The following ZC3HAV1L variants were observed in gnomAD, a reference collection of about 807,000 sequenced individuals.
The protein encoded by ZC3HAV1L is zinc finger CCCH-type antiviral protein 1-like.
ZC3HAV1L carries 23 observed loss-of-function variants against 28.2 expected under a neutral mutation model. The observed-to-expected ratio is 0.82, with a 90% CI of 0.59 to 1.16. The LOEUF (loss-of-function observed/expected upper bound fraction) is 1.16. ZC3HAV1L is among the 50% of genes most tolerant of loss of function. The pLI is 0.00. For missense variants in ZC3HAV1L, 376 were observed against 387.7 expected (o/e 0.97, Z 0.25); for synonymous variants, 180 against 163.4 (o/e 1.10, Z -0.78).
rs558883150 is a variant in ZC3HAV1L at position 139,034,057 on chromosome 7, CCTT to C, written c.501+483_501+485del. On this transcript the variant is annotated intron_variant, in intron 2 of 4. Transcript: ENST00000275766. ...TGCCTTCTGGGTACAGATTCTGCTG[CCTT>C]GAGAGCAGCCTCTGCCACCTGCACC... 5.9e-4 allele frequency: 584 copies of C among 985,434 alleles called. 1 individual carries two copies. In the African/African-American group the frequency reaches 8.8e-3, roughly 15 times the overall value. The allele number at this position is 985,434 out of a possible 1,614,324, so 61.0% of individuals were successfully genotyped here.
chr7:139,030,132 C>T (rs1287726515), intron 2 of ZC3HAV1L, among the ~76,000 whole-genome samples: 4 of 152,108 alleles, frequency 2.6e-5, no homozygotes, highest in African/African-American at 7.2e-5. Flanking sequence ...ATGCTGCACA[C>T]GTAAAAAAAC....
At chr7:139,034,731 T>C (rs1815646932) in intron 1 of ZC3HAV1L, 53 bp from the exon 2 acceptor site, 8 of 1,596,808 alleles carry the variant, frequency 5.0e-6, no homozygotes, top group Non-Finnish European at 6.8e-6. Context: ...GACCAGTCTG[T>C]CCAATTCCTT....
chr7:139,034,676 G>C lies in ZC3HAV1L; in HGVS notation c.368C>G (p.Ser123Cys), dbSNP rs1334682649. Residue 123 changes from serine (S) to cysteine (C), a missense_variant and splice_region_variant, in exon 2 of 5, where the codon TCT becomes TGT. By Grantham distance (112) the Ser-to-Cys change is moderately radical. Transcript: ENST00000275766. ...LGKCPNRDCW[S>C]TCTLSHDIHT... ...GATATCATGGGAAAGGGTACAGGTA[G>C]ACCTAAAAGAACAAAGCCCTCGGTC... 1 of 1,613,730 alleles carries C rather than the reference G, an allele frequency of 6.2e-7. No individual in the cohort carries two copies. Among genetic ancestry groups the C allele is most frequent in the East Asian group, 2.2e-5 (1 of 44,884 alleles).
intron 2 of ZC3HAV1L, among the ~76,000 whole-genome samples, chr7:139,033,122 T>C (rs1391924600): frequency 6.6e-6 from 1 of 151,740 alleles, no homozygotes; most frequent in Non-Finnish European, 1.5e-5. Context: ...GGTGGGAGAA[T>C]CACTTGAACT....
chr7:139,034,431 G>A (rs1461332616), intron 2 of ZC3HAV1L, 112 bp downstream of exon 2: 2 of 1,457,048 alleles, frequency 1.4e-6, no homozygotes, highest in South Asian at 1.3e-5. Flanking sequence ...ATTTGAAACT[G>A]AATCATGTTG....
chr7:139,025,029 T>C (rs1228767436), downstream of ZC3HAV1L, among the ~76,000 whole-genome samples: 5 of 152,052 alleles, frequency 3.3e-5, no homozygotes, highest in Non-Finnish European at 5.9e-5. Context: ...AAAGGGAACA[T>C]GAAGTGGGTG....
chr7:139,028,982 A>G, intron 2 of ZC3HAV1L, 22 bp from the exon 3 acceptor site: 3 of 1,588,544 alleles, frequency 1.9e-6, no homozygotes, highest in African/African-American at 1.4e-5. Context: ...ATGAGGGAAC[A>G]CCTGAAATAT....
chr7:139,027,140 C>CCT (rs35257743), intron 3 of ZC3HAV1L, among the ~76,000 whole-genome samples: 85,196 of 151,592 alleles, frequency 0.56, 24,594 homozygotes, highest in African/African-American at 0.67. Flanking sequence ...CTAAACAGCC[C>CCT]GACACTGGTA....
At chr7:139,021,814 AT>A (rs1434163575), downstream of ZC3HAV1L, among the ~76,000 whole-genome samples, 2 of 146,910 alleles carry the variant, frequency 1.4e-5, no homozygotes, top group Non-Finnish European at 2.9e-5. Flanking sequence ...ATGAAAAAAT[AT>A]CAAAAAAACT....
intron 2 of ZC3HAV1L, chr7:139,033,665 G>A: frequency 1.1e-6 from 1 of 947,980 alleles, no homozygotes; most frequent in Non-Finnish European, 1.3e-6. Flanking sequence ...GTGAGGCTGG[G>A]CCCAAGATAC....
At chr7:139,030,551 C>A (rs531101833) in intron 2 of ZC3HAV1L, among the ~76,000 whole-genome samples, 1 of 146,264 alleles carries the variant, frequency 6.8e-6, no homozygotes, top group Non-Finnish European at 1.5e-5. Context: ...AAATAAGGCC[C>A]GGTGTGGTGG....
At chr7:139,027,920 C>T (rs774000842) in intron 3 of ZC3HAV1L, among the ~76,000 whole-genome samples, 1 of 152,090 alleles carries the variant, frequency 6.6e-6, no homozygotes, top group Non-Finnish European at 1.5e-5. Context: ...ATTTTCATTT[C>T]CAGTTGCTAT....
At chr7:139,034,848 G>A (rs1815651463) in intron 1 of ZC3HAV1L, 170 bp from the exon 2 acceptor site, 1 of 985,212 alleles carries the variant, frequency 1.0e-6, no homozygotes, top group African/African-American at 1.7e-5. Flanking sequence ...AGAAAATTGG[G>A]TTGAAGGAAC....
intron 3 of ZC3HAV1L, among the ~76,000 whole-genome samples, chr7:139,027,183 G>T (rs182506633): frequency 6.6e-6 from 1 of 152,074 alleles, no homozygotes; most frequent in Admixed American, 6.6e-5. Context: ...CACTCACTAC[G>T]TCTGACACTA....
downstream of ZC3HAV1L, among the ~76,000 whole-genome samples, chr7:139,021,567 GA>G (rs746553486): frequency 4.3e-4 from 65 of 152,060 alleles, 1 homozygote; most frequent in Admixed American, 2.9e-3. Context: ...TACATTAAAA[GA>G]ACATATACTA....
intron 2 of ZC3HAV1L, among the ~76,000 whole-genome samples, chr7:139,030,199 A>T (rs1446109153): frequency 6.6e-6 from 1 of 152,186 alleles, no homozygotes; most frequent in Non-Finnish European, 1.5e-5. Flanking sequence ...TAATCCCAGC[A>T]CTTTGGGAGG....
At chr7:139,022,502 T>C (rs1307040059), downstream of ZC3HAV1L, 1 of 308,046 alleles carries the variant, frequency 3.2e-6, no homozygotes, top group African/African-American at 2.3e-5. Flanking sequence ...GCTGTAATTG[T>C]GCCCTGCACT....
Position 139,026,413 on chromosome 7 carries a change from C to T in ZC3HAV1L, c.*131G>A, listed in dbSNP as rs1015580898. On this transcript the variant is annotated 3_prime_UTR_variant, in exon 5 of 5. Coordinates refer to ENST00000275766, the MANE Select transcript of ZC3HAV1L (RefSeq NM_080660.4). ...CAGATAGCAGCTGCCATCTTCAGCA[C>T]TTGCCCTGGACTAGCCCCATCTGCA... 10 of 1,429,734 alleles carry T rather than the reference C, an allele frequency of 7.0e-6. 1 individual carries two copies. The African/African-American group carries it at 1.3e-4, about 18-fold the overall frequency. 88.6% of individuals were successfully genotyped at this position (1,429,734 alleles called of 1,614,324 possible).
intron 2 of ZC3HAV1L, among the ~76,000 whole-genome samples, chr7:139,029,493 CCT>C (rs1429474869): frequency 6.6e-6 from 1 of 152,110 alleles, no homozygotes; most frequent in African/African-American, 2.4e-5. Flanking sequence ...ACAGCTGCCC[CCT>C]CTTACTTTAC....
Sources: gnomAD v4.1 joint callset for allele counts (sites outside exome capture counted in the v4.1 genomes callset) on GRCh38, gnomAD v4.1.1 for gene constraint, MANE v1.5 for transcripts, NCBI Gene and HGNC (gene_info 2026-07-23, HGNC 2026-07-21) for gene names.